The following MYO1G variants were observed in gnomAD, a reference collection of about 807,000 sequenced individuals.
MYO1G encodes myosin IG, also known as unconventional myosin-Ig.
In MYO1G, 65 loss-of-function variants were observed where a neutral mutation model predicts 115.3. The ratio of observed to expected loss-of-function variants is 0.56; its 90% confidence interval spans 0.46 to 0.69. The LOEUF (loss-of-function observed/expected upper bound fraction) is 0.69, where lower values mean the gene tolerates loss of function less well. Ranked by LOEUF, MYO1G falls within the 30% of genes least tolerant of loss-of-function variation. The pLI is 0.00. For synonymous variants in MYO1G, 510 were observed against 552.6 expected (o/e 0.92, Z 1.08); for missense variants, 1,204 against 1,393.5 (o/e 0.86, Z 2.16).
Position 44,966,260 on chromosome 7 carries a change from T to A in MYO1G, c.1970A>T (p.Tyr657Phe). The change falls in exon 16 of 22, where the codon TAC becomes TTC. Residue 657 changes from tyrosine to phenylalanine, a missense_variant. By Grantham distance (22) the Tyr-to-Phe change is conservative. Transcript: ENST00000258787. This position sits in a 1 kb window ranked among gnomAD's most constrained non-coding sequence, Gnocchi z 5.0. ...GCCCAGCAGGTGGTTGGGCCATGTG[T>A]ATTCACAGGTCATCTTGTACCTGTC... The part of the protein sequence containing the change: ...FLLRYKMTCE[Y>F]TWPNHLLGSD... 6.2e-7 allele frequency: 1 copy of A among 1,609,276 alleles called. No individual in the cohort carries two copies. Among genetic ancestry groups the A allele is most frequent in the Non-Finnish European group, 8.5e-7 (1 of 1,178,446 alleles).
At position 44,963,274 on chromosome 7, in the gene MYO1G, C is replaced by G. The variant is rs1287217520; in HGVS notation, c.2746-150G>C. The G allele has an allele frequency of 2.3e-6, 2 of 875,844 alleles. No individual in the cohort carries two copies. Among genetic ancestry groups the G allele is most frequent in the Admixed American group, 3.6e-5 (1 of 27,552 alleles). 54.3% of individuals were successfully genotyped at this position (875,844 alleles called of 1,614,324 possible). ...AGGGCCACCAGCCCCCCACCGCCCC[C>G]TCCTCCCTCTCGGGGCCCTGCTGAC... On this transcript the variant is annotated intron_variant, in intron 20 of 21. Coordinates refer to ENST00000258787, the MANE Select transcript of MYO1G (RefSeq NM_033054.3). The surrounding 1 kb of genome is among the most constrained non-coding windows in gnomAD (Gnocchi z 4.1).
In MYO1G at chr7:44,965,086, C is replaced by G; in HGVS notation, c.2385G>C (p.Trp795Cys). The part of the protein sequence containing the change: ...QDTCHALFCR[W>C]RARQLVKNIP... ...TGTTCTTCACCAGCTGCCGGGCCCG[C>G]CACCTGGGAGAGGGCATGTAGTCAG... is the stretch of plus-strand genomic sequence containing the variant. The change falls in exon 18 of 22, where the codon TGG becomes TGC. Residue 795 changes from tryptophan (W) to cysteine (C), a missense_variant. Transcript: ENST00000258787. 1.2e-6 allele frequency: 2 copies of G among 1,604,872 alleles called. No homozygotes were observed. The highest frequency in any genetic ancestry group is 3.3e-5 in the Admixed American group (2 of 59,772).
intron 1 of MYO1G, among the ~76,000 whole-genome samples, chr7:44,977,459 T>C (rs1795076877): frequency 6.8e-6 from 1 of 147,446 alleles, no homozygotes; most frequent in South Asian, 2.1e-4. Flanking sequence ...GGTTGAGAAG[T>C]GACTGGGCTG....
intron 17 of MYO1G, 58 bp from the exon 18 acceptor site, chr7:44,965,147 C>T: frequency 6.4e-7 from 1 of 1,559,378 alleles, no homozygotes; most frequent in Non-Finnish European, 8.7e-7. Flanking sequence ...GCTCCCTGAG[C>T]CCCCTCTCCA....
chr7:44,967,873 G>A lies in MYO1G; in HGVS notation c.1649+11C>T, dbSNP rs763853520. ...TGGCCCTCCCTATGGTGCCCAGCAAGCCGTGCTCACCTGTTGTACAGCAGC... is the reference window on the plus strand; with the variant it reads ...TGGCCCTCCCTATGGTGCCCAGCAAACCGTGCTCACCTGTTGTACAGCAGC... On this transcript the variant is annotated intron_variant, in intron 13 of 21. Transcript: ENST00000258787. 6.2e-7 allele frequency: 1 copy of A among 1,613,846 alleles called. No homozygotes were observed. The highest frequency in any genetic ancestry group is 8.5e-7 in the Non-Finnish European group (1 of 1,179,980).
Position 44,965,870 on chromosome 7 carries a change from C to G in MYO1G, c.2158-10G>C. ...AGGTGCCCCGCCATGCCTGGGTGGGCCAGGTGGGATGGGATACGCAGTCAA... is the reference window on the plus strand; with the variant it reads ...AGGTGCCCCGCCATGCCTGGGTGGGGCAGGTGGGATGGGATACGCAGTCAA... On this transcript the variant is annotated splice_polypyrimidine_tract_variant and intron_variant, in intron 16 of 21. Transcript: ENST00000258787. The G allele has an allele frequency of 6.3e-7, 1 of 1,597,600 alleles. No homozygotes were observed. The highest frequency in any genetic ancestry group is 8.5e-7 in the Non-Finnish European group (1 of 1,179,432).
Position 44,970,051 on chromosome 7 carries a change from T to A in MYO1G, c.1321A>T (p.Thr441Ser), listed in dbSNP as rs199914832. Residue 441 changes from threonine (T) to serine (S), a missense_variant, in exon 10 of 22, where the codon ACC becomes TCC. By Grantham distance (58) the Thr-to-Ser change is moderately conservative. Transcript: ENST00000258787. ...GCCACAGTGCTCACGCTCTGCCAGGTGATGCCCTCGCGCTCGTACTCTTCC... is the reference window on the plus strand; with the variant it reads ...GCCACAGTGCTCACGCTCTGCCAGGAGATGCCCTCGCGCTCGTACTCTTCC... Reference protein sequence around the residue: ...EQEEYEREGITWQSVEYFNNA... With the variant: ...EQEEYEREGISWQSVEYFNNA... The A allele has an allele frequency of 1.2e-6, 2 of 1,613,752 alleles. No individual in the cohort carries two copies. The highest frequency in any genetic ancestry group is 2.7e-5 in the African/African-American group (2 of 74,924).
At chr7:44,975,864 C>T (rs560294672) in intron 3 of MYO1G, among the ~76,000 whole-genome samples, 12 of 152,308 alleles carry the variant, frequency 7.9e-5, no homozygotes, top group African/African-American at 1.9e-4. Context: ...ATGCACTTGC[C>T]GGGCTGGCTG....
In MYO1G at chr7:44,966,390, G is replaced by T; in HGVS notation, c.1950-110C>A. 1.9e-6 allele frequency: 2 copies of T among 1,038,520 alleles called. No homozygotes were observed. The highest frequency in any genetic ancestry group is 2.9e-6 in the Non-Finnish European group (2 of 696,460). 64.3% of individuals were successfully genotyped at this position (1,038,520 alleles called of 1,614,324 possible). A position where few individuals can be genotyped will look rare whatever the true frequency, so the allele number is the denominator to read the frequency against. On this transcript the variant is annotated intron_variant, in intron 15 of 21. Coordinates refer to ENST00000258787, the MANE Select transcript of MYO1G (RefSeq NM_033054.3). This position sits in a 1 kb window ranked among gnomAD's most constrained non-coding sequence, Gnocchi z 5.0. The stretch of plus-strand genomic sequence containing the variant: ...TGGCAGGGATACAGAGTGTGTTCCT[G>T]GAGCACTTATGACACCTGTGCACAT...
At chr7:44,976,541 C>G in intron 3 of MYO1G, 23 bp downstream of exon 3, 1 of 1,610,328 alleles carries the variant, frequency 6.2e-7, no homozygotes, top group South Asian at 1.1e-5. Flanking sequence ...TGCTGAGGCC[C>G]AGAGCTGCCC....
Position 44,964,012 on chromosome 7 carries a change from C to T in MYO1G, c.2745+37G>A. 2 of 1,501,892 alleles carry T rather than the reference C, an allele frequency of 1.3e-6. No homozygotes were observed. The highest frequency in any genetic ancestry group is 9.1e-7 in the Non-Finnish European group (1 of 1,101,954). The allele number at this position is 1,501,892 out of a possible 1,614,324, so 93.0% of individuals were successfully genotyped here. Reference sequence around the variant, plus strand: ...CTGAGCAGCCCAGCAGTGCCCCTCACAGATGCTGCACCCTACTCCCCACCC... The same window carrying T: ...CTGAGCAGCCCAGCAGTGCCCCTCATAGATGCTGCACCCTACTCCCCACCC... On this transcript the variant is annotated intron_variant, in intron 20 of 21. Transcript: ENST00000258787. This position sits in a 1 kb window ranked among gnomAD's most constrained non-coding sequence, Gnocchi z 5.1.
Position 44,966,767 on chromosome 7 carries a change from A to G in MYO1G, c.1854T>C (p.Cys618=). The part of the protein sequence containing the change: ...KVAGKLDENH[C]RHQVAYLGLL... The stretch of plus-strand genomic sequence containing the variant: ...GCCCCAGGTATGCGACCTGGTGGCG[A>G]CAGTGGTTCTCATCCAGCTTCCCAG... The change falls in exon 15 of 22, where the codon TGT becomes TGC. Residue 618 remains cysteine (C), a synonymous_variant. Coordinates refer to ENST00000258787, the MANE Select transcript of MYO1G (RefSeq NM_033054.3). This position sits in a 1 kb window ranked among gnomAD's most constrained non-coding sequence, Gnocchi z 5.0. 1 of 1,613,622 alleles carries G rather than the reference A, an allele frequency of 6.2e-7. No homozygotes were observed. The highest frequency in any genetic ancestry group is 8.5e-7 in the Non-Finnish European group (1 of 1,179,994).
chr7:44,966,057 G>A lies in MYO1G; in HGVS notation c.2157+16C>T. The A allele has an allele frequency of 6.2e-7, 1 of 1,608,514 alleles. No individual in the cohort carries two copies. The highest frequency in any genetic ancestry group is 8.5e-7 in the Non-Finnish European group (1 of 1,179,194). Reference sequence around the variant, plus strand: ...CCACCTCCATAGTGGATGTCTTCCTGCCCCGCCCACCTCACCTTCTGCAAT... The same window carrying A: ...CCACCTCCATAGTGGATGTCTTCCTACCCCGCCCACCTCACCTTCTGCAAT... On this transcript the variant is annotated intron_variant, in intron 16 of 21. Transcript: ENST00000258787. The surrounding 1 kb of genome is among the most constrained non-coding windows in gnomAD (Gnocchi z 5.0).
intron 7 of MYO1G, 62 bp downstream of exon 7, chr7:44,971,611 G>A (rs1794958887): frequency 4.8e-6 from 6 of 1,247,500 alleles, no homozygotes; most frequent in Admixed American, 2.0e-5. Context: ...ATCCCTGGGT[G>A]CTTCCCAGCC....
In MYO1G at chr7:44,962,831, G is replaced by T; in HGVS notation, c.2965C>A (p.Arg989Ser). The T allele has an allele frequency of 6.6e-7, 1 of 1,515,900 alleles. No homozygotes were observed. The highest frequency in any genetic ancestry group is 8.8e-7 in the Non-Finnish European group (1 of 1,136,626). The allele number at this position is 1,515,900 out of a possible 1,614,324, so 93.9% of individuals were successfully genotyped here. A position where few individuals can be genotyped will look rare whatever the true frequency, so the allele number is the denominator to read the frequency against. ...CIPLSHRGVR[R>S]LISVEPRPEQ... ...GGCCTGGGCTCCACGGAGATGAGGC[G>T]CCGGACCCCGCGATGGCTTAGTGGG... Residue 989 changes from arginine (R) to serine (S), a missense_variant, in exon 22 of 22, where the codon CGC becomes AGC. By Grantham distance (110) the Arg-to-Ser change is moderately radical. Coordinates refer to ENST00000258787, the MANE Select transcript of MYO1G (RefSeq NM_033054.3). The surrounding 1 kb of genome is among the most constrained non-coding windows in gnomAD (Gnocchi z 5.3).
chr7:44,964,208 C>A lies in MYO1G; in HGVS notation c.2632-46G>T. On this transcript the variant is annotated intron_variant, in intron 19 of 21. Coordinates refer to ENST00000258787, the MANE Select transcript of MYO1G (RefSeq NM_033054.3). The surrounding 1 kb of genome is among the most constrained non-coding windows in gnomAD (Gnocchi z 5.1). Reference sequence around the variant, plus strand: ...CCCAGGCTGGTGCTGCCCTGTCACCCACCAGGGCCCCAGGCTTCGGCAGTC... The same window carrying A: ...CCCAGGCTGGTGCTGCCCTGTCACCAACCAGGGCCCCAGGCTTCGGCAGTC... 1 of 1,510,012 alleles carries A rather than the reference C, an allele frequency of 6.6e-7. No homozygotes were observed. The highest frequency in any genetic ancestry group is 2.4e-5 in the East Asian group (1 of 41,446). The allele number at this position is 1,510,012 out of a possible 1,614,324, so 93.5% of individuals were successfully genotyped here.
chr7:44,966,172 A>T lies in MYO1G; in HGVS notation c.2058T>A (p.Phe686Leu), dbSNP rs1486507372. Residue 686 changes from phenylalanine (F) to leucine (L), a missense_variant, in exon 16 of 22, where the codon TTT (phenylalanine) becomes TTA (leucine). Transcript: ENST00000258787. This position sits in a 1 kb window ranked among gnomAD's most constrained non-coding sequence, Gnocchi z 5.0. ...AGCGGATGAACAGCTTGCTGTGGCC[A>T]AAGGCCACGTCCCCCTGCAGCCCGT... ...EQHGLQGDVA[F>L]GHSKLFIRSP... 6.2e-7 allele frequency: 1 copy of T among 1,612,892 alleles called. No homozygotes were observed. Among genetic ancestry groups the T allele is most frequent in the African/African-American group, 1.3e-5 (1 of 75,040 alleles).
chr7:44,968,187 G>T (rs973036538), intron 12 of MYO1G, among the ~76,000 whole-genome samples: 3 of 152,108 alleles, frequency 2.0e-5, no homozygotes, highest in African/African-American at 7.2e-5. Flanking sequence ...AAGATGAATC[G>T]AGTGGTTAAG....
rs528399301 is a variant in MYO1G, at chr7:44,974,761, G to A, written c.618+413C>T. On this transcript the variant is annotated intron_variant, in intron 5 of 21. Transcript: ENST00000258787. ...GCTTGTGGAGACAGTCCCTGGGCGC[G>A]CCTATCTCACAGAGGTGCTCAGAGT... 61 of 219,502 alleles carry A rather than the reference G, an allele frequency of 2.8e-4. 3 individuals are homozygous for A. The highest frequency in any genetic ancestry group is 1.1e-3 in the African/African-American group (50 of 45,322). The allele number at this position is 219,502 out of a possible 1,614,324, so 13.6% of individuals were successfully genotyped here. A position where few individuals can be genotyped will look rare whatever the true frequency, so the allele number is the denominator to read the frequency against.
Sources: allele counts gnomAD v4.1 joint callset (sites outside exome capture counted in the v4.1 genomes callset), GRCh38; gene constraint gnomAD v4.1.1; non-coding constraint Gnocchi (gnomAD v3.1); transcripts MANE v1.5; gene names NCBI Gene and HGNC (gene_info 2026-07-23, HGNC 2026-07-21).